Variants in EPB42 observed in about 807,000 individuals in gnomAD.
The protein encoded by EPB42 is erythrocyte membrane protein band 4.2.
Under a neutral mutation model 76.9 loss-of-function variants are expected in EPB42, and 49 were observed. The ratio of observed to expected loss-of-function variants is 0.64; its 90% confidence interval spans 0.51 to 0.81. The LOEUF (loss-of-function observed/expected upper bound fraction) is 0.81. Ranked by LOEUF, EPB42 falls within the 30% of genes least tolerant of loss-of-function variation. The pLI is 0.00. For missense variants in EPB42, 731 were observed against 867.6 expected, an observed-to-expected ratio of 0.84 and a Z score of 1.98; for synonymous variants, 310 against 338.4, an observed-to-expected ratio of 0.92 and a Z score of 0.92.
chr15:43,200,673 G>A (rs866665835), intron 12 of EPB42, among the ~76,000 whole-genome samples: 1 of 152,140 alleles, frequency 6.6e-6, no homozygotes, highest in African/African-American at 2.4e-5. Flanking sequence ...AGGAGGGGTA[G>A]GAATACAGAA....
At position 43,206,236 on chromosome 15, in the gene EPB42, C is replaced by T; in HGVS notation, c.1618+94G>A. On this transcript the variant is annotated intron_variant, in intron 10 of 12. Transcript: ENST00000441366. The surrounding 1 kb of genome is among the most constrained non-coding windows in gnomAD (Gnocchi z 4.7). Reference sequence around the variant, plus strand: ...AGGGGCTCAAAGCCATCTCTAGAGACTGCAGGGGGTGCCCTGTGGCTGCTG... The same window carrying T: ...AGGGGCTCAAAGCCATCTCTAGAGATTGCAGGGGGTGCCCTGTGGCTGCTG... 1 of 1,347,462 alleles carries T rather than the reference C, an allele frequency of 7.4e-7. No homozygotes were observed. 83.5% of individuals were successfully genotyped at this position (1,347,462 alleles called of 1,614,324 possible).
At chr15:43,218,621 T>C (rs572189733) in intron 1 of EPB42, among the ~76,000 whole-genome samples, 3 of 152,318 alleles carry the variant, frequency 2.0e-5, no homozygotes, top group African/African-American at 7.2e-5. Context: ...CAGAACTCAA[T>C]AGATAGCCAA....
At chr15:43,208,128 G>T in intron 8 of EPB42, 102 bp downstream of exon 8, 1 of 995,134 alleles carries the variant, frequency 1.0e-6, no homozygotes, top group South Asian at 1.3e-5. Flanking sequence ...CTGTTTTCGA[G>T]GATGCAGACC....
chr15:43,219,725 T>A (rs2042429774), intron 1 of EPB42, among the ~76,000 whole-genome samples: 1 of 152,100 alleles, frequency 6.6e-6, no homozygotes, highest in Non-Finnish European at 1.5e-5. Context: ...AGGCGGAGGA[T>A]CACGAGGTCA....
intron 3 of EPB42, 125 bp downstream of exon 3, chr15:43,214,970 G>A (rs2042355127): frequency 4.8e-6 from 4 of 827,032 alleles, no homozygotes; most frequent in Non-Finnish European, 8.1e-6. Context: ...CAGACTGGGT[G>A]TTGGTGCTGT....
intron 6 of EPB42, 63 bp from the exon 7 acceptor site, chr15:43,208,838 G>A (rs891521794): frequency 1.9e-5 from 30 of 1,570,510 alleles, no homozygotes; most frequent in Non-Finnish European, 2.4e-5. Flanking sequence ...GCGTGTGGGA[G>A]GCTAGGATTT....
chr15:43,212,177 G>T (rs981521199), intron 3 of EPB42, among the ~76,000 whole-genome samples: 2 of 152,152 alleles, frequency 1.3e-5, no homozygotes, highest in Non-Finnish European at 2.9e-5. Flanking sequence ...AGACCAGCCT[G>T]ACCAACATGG....
chr15:43,201,757 A>T lies in EPB42; in HGVS notation c.1913+87T>A, dbSNP rs978734237. 9 of 1,590,712 alleles carry T rather than the reference A, an allele frequency of 5.7e-6. No homozygotes were observed. In the East Asian group the frequency reaches 2.0e-4, roughly 36 times the overall value. On this transcript the variant is annotated intron_variant, in intron 12 of 12. Coordinates refer to ENST00000441366, the MANE Select transcript of EPB42 (RefSeq NM_001114134.2). Reference sequence around the variant, plus strand: ...AGGGGTATCTGCTGTCTGCATGGACATGGCAAAGAGAGAGTTTCTCTCTTG... The same window carrying T: ...AGGGGTATCTGCTGTCTGCATGGACTTGGCAAAGAGAGAGTTTCTCTCTTG...
chr15:43,218,288 C>T (rs982241779), intron 1 of EPB42, among the ~76,000 whole-genome samples: 3 of 152,128 alleles, frequency 2.0e-5, no homozygotes, highest in East Asian at 1.9e-4. Context: ...TCCGTGTATC[C>T]GAACCCACGT....
At chr15:43,197,825 A>G (rs893848453) in intron 12 of EPB42, among the ~76,000 whole-genome samples, 2 of 152,198 alleles carry the variant, frequency 1.3e-5, no homozygotes, top group Non-Finnish European at 2.9e-5. Flanking sequence ...TCTATCTCCC[A>G]GAATTCCCAT....
intron 8 of EPB42, among the ~76,000 whole-genome samples, chr15:43,207,783 G>A (rs946753254): frequency 6.6e-6 from 1 of 152,178 alleles, no homozygotes; most frequent in African/African-American, 2.4e-5. Flanking sequence ...GCACTTACTA[G>A]GTGCCAGGCT....
At chr15:43,218,813 T>A (rs1417689590) in intron 1 of EPB42, among the ~76,000 whole-genome samples, 1 of 152,180 alleles carries the variant, frequency 6.6e-6, no homozygotes, top group African/African-American at 2.4e-5. Context: ...CTCTGCCCCT[T>A]TTAGGTGGAT....
intron 12 of EPB42, among the ~76,000 whole-genome samples, chr15:43,200,322 C>T (rs1198818782): frequency 1.3e-5 from 2 of 152,156 alleles, no homozygotes; most frequent in African/African-American, 2.4e-5. Context: ...AACCCACACA[C>T]CTGTTAGGGA....
In EPB42 at chr15:43,206,037, G is replaced by C. The variant is rs2042198657; in HGVS notation, c.1618+293C>G. The C allele has an allele frequency of 5.9e-6, 2 of 341,350 alleles. No individual in the cohort carries two copies. Among genetic ancestry groups the C allele is most frequent in the African/African-American group, 2.0e-5 (1 of 49,012 alleles). The allele number at this position is 341,350 out of a possible 1,614,324, so 21.1% of individuals were successfully genotyped here. On this transcript the variant is annotated intron_variant, in intron 10 of 12. Transcript: ENST00000441366. This position sits in a 1 kb window ranked among gnomAD's most constrained non-coding sequence, Gnocchi z 4.7. ...TTGGGGGCAGCTTATTCCAGCCTGG[G>C]GGGAGGTGCTCTCCTGCCACTGTAC...
chr15:43,209,976 T>A (rs1596411472), intron 5 of EPB42, among the ~76,000 whole-genome samples: 1 of 152,216 alleles, frequency 6.6e-6, no homozygotes, highest in African/African-American at 2.4e-5. Flanking sequence ...TTTAGAAGTA[T>A]AAAAGAAGTC....
Position 43,208,279 on chromosome 15 carries a change from A to G in EPB42, c.1026T>C (p.Gly342=). ...CWMTRPALPQ[G]YDGWQILHPS... The stretch of plus-strand genomic sequence containing the variant: ...GGTGCAGAATCTGCCATCCATCATA[A>G]CCCTGGGGCAAGGCAGGCCGCGTCA... Residue 342 remains glycine, a synonymous_variant, in exon 8 of 13, where the codon GGT becomes GGC. Transcript: ENST00000441366. The G allele has an allele frequency of 6.2e-7, 1 of 1,614,060 alleles. No individual in the cohort carries two copies. The highest frequency in any genetic ancestry group is 8.5e-7 in the Non-Finnish European group (1 of 1,179,978).
intron 1 of EPB42, among the ~76,000 whole-genome samples, chr15:43,217,509 C>T (rs1202369093): frequency 3.3e-5 from 5 of 151,298 alleles, no homozygotes; most frequent in African/African-American, 1.2e-4. Flanking sequence ...AAGATATGTT[C>T]AGCAAGCGCA....
intron 3 of EPB42, 131 bp from the exon 4 acceptor site, chr15:43,211,665 A>T: frequency 1.4e-6 from 1 of 737,792 alleles, no homozygotes; most frequent in Non-Finnish European, 2.5e-6. Flanking sequence ...CCTAATGAAG[A>T]CTGAGGAGGA....
intron 4 of EPB42, 89 bp downstream of exon 4, chr15:43,211,327 T>C: frequency 1.2e-6 from 1 of 861,722 alleles, no homozygotes; most frequent in Non-Finnish European, 2.0e-6. Context: ...TGACCAGGGG[T>C]TTTTGGACCT....
Sources: gnomAD v4.1 joint callset for allele counts (sites outside exome capture counted in the v4.1 genomes callset) on GRCh38, gnomAD v4.1.1 for gene constraint, Gnocchi (gnomAD v3.1) non-coding constraint, MANE v1.5 for transcripts, NCBI Gene and HGNC (gene_info 2026-07-23, HGNC 2026-07-21) for gene names.